Variants in AAMDC observed in about 807,000 individuals in gnomAD.
AAMDC encodes adipogenesis associated Mth938 domain containing.
In AAMDC, 16 loss-of-function variants were observed where a neutral mutation model predicts 15.5. The observed-to-expected ratio is 1.03, with a 90% CI of 0.70 to 1.57. AAMDC has a LOEUF of 1.57. Among genes scored for constraint, AAMDC ranks in the 40% most tolerant of loss-of-function variants. The pLI is 0.00. For missense variants in AAMDC, 141 were observed against 144.9 expected, an observed-to-expected ratio of 0.97 and a Z score of 0.14; for synonymous variants, 51 against 51.6, an observed-to-expected ratio of 0.99 and a Z score of 0.05.
intron 5 of AAMDC, chr11:77,891,268 T>G: frequency 6.3e-7 from 1 of 1,579,092 alleles, no homozygotes; most frequent in Non-Finnish European, 8.6e-7. Context: ...CATTAAATAC[T>G]TCAACACAAT....
chr11:77,858,327 T>TTTTTTTTC (rs1950723241), intron 2 of AAMDC, among the ~76,000 whole-genome samples: 1 of 143,006 alleles, frequency 7.0e-6, no homozygotes, highest in Non-Finnish European at 1.5e-5. Flanking sequence ...TTTTTTTTTT[T>TTTTTTTTC]GTAGTTGCAA....
At chr11:77,899,262 C>A (rs764233549) in intron 5 of AAMDC, among the ~76,000 whole-genome samples, 5 of 146,702 alleles carry the variant, frequency 3.4e-5, no homozygotes, top group Non-Finnish European at 6.0e-5. Flanking sequence ...TCTACTGCCT[C>A]TCACTTGAAG....
chr11:77,855,054 C>T (rs1950555218), intron 2 of AAMDC, among the ~76,000 whole-genome samples: 1 of 152,190 alleles, frequency 6.6e-6, no homozygotes, highest in Non-Finnish European at 1.5e-5. Context: ...ACCTTGGCCC[C>T]TTTTAACCAT....
chr11:77,868,556 G>A (rs748830192), intron 2 of AAMDC, among the ~76,000 whole-genome samples: 11 of 147,738 alleles, frequency 7.4e-5, no homozygotes, highest in Non-Finnish European at 1.2e-4. Context: ...ATGGGGTTTC[G>A]CCATGTTGAC....
chr11:77,876,061 C>G (rs1373529393), downstream of AAMDC, among the ~76,000 whole-genome samples: 1 of 152,048 alleles, frequency 6.6e-6, no homozygotes, highest in African/African-American at 2.4e-5. Flanking sequence ...TTAAGGAGGG[C>G]TGATGGTGGT....
At chr11:77,840,305 G>A (rs1454898355) in intron 1 of AAMDC, among the ~76,000 whole-genome samples, 1 of 152,094 alleles carries the variant, frequency 6.6e-6, no homozygotes, top group East Asian at 1.9e-4. Context: ...AAGGCAGGTG[G>A]ATCACCTGAG....
intron 2 of AAMDC, among the ~76,000 whole-genome samples, chr11:77,858,908 A>C (rs111268234): frequency 0.02 from 3,094 of 152,272 alleles, 94 homozygotes; most frequent in African/African-American, 0.07. Flanking sequence ...GAGGTTAGAG[A>C]TACAGGGATT....
At chr11:77,860,276 G>A (rs1340742113) in intron 2 of AAMDC, among the ~76,000 whole-genome samples, 2 of 152,212 alleles carry the variant, frequency 1.3e-5, no homozygotes, top group African/African-American at 4.8e-5. Context: ...CTTAATTAGT[G>A]TATATAATGG....
At chr11:77,872,462 G>C, downstream of AAMDC, 1 of 928,212 alleles carries the variant, frequency 1.1e-6, no homozygotes, top group Non-Finnish European at 1.5e-6. Context: ...GGATGACCAA[G>C]ACAAGGTCCC....
At chr11:77,880,585 T>A (rs1031210948) in intron 5 of AAMDC, among the ~76,000 whole-genome samples, 1 of 152,186 alleles carries the variant, frequency 6.6e-6, no homozygotes, top group South Asian at 2.1e-4. Flanking sequence ...CTATATCTGC[T>A]TTCCTGCCAC....
At position 77,862,804 on chromosome 11, in the gene AAMDC, G is replaced by C. The variant is rs566156193; in HGVS notation, c.133-6918G>C. Among the ~76,000 whole-genome samples the C allele has an allele frequency of 6.4e-4, 97 of 152,328 alleles. 2 individuals carry two copies. In the South Asian group the frequency reaches 0.018, roughly 28 times the overall value. On this transcript the variant is annotated intron_variant, in intron 2 of 3. Transcript: ENST00000393427. ...AATTTATACTTCCCTCAGGAGGCCA[G>C]GTTTCTCCCCCTTGAAGAGGATATC...
intron 1 of AAMDC, among the ~76,000 whole-genome samples, chr11:77,834,706 C>T (rs560465228): frequency 8.2e-4 from 124 of 152,146 alleles, no homozygotes; most frequent in Non-Finnish European, 1.4e-3. Context: ...TGAGCCACTG[C>T]GCCTGGCCAA....
chr11:77,833,271 T>C (rs1056466445), intron 1 of AAMDC, among the ~76,000 whole-genome samples: 2 of 152,026 alleles, frequency 1.3e-5, no homozygotes. Flanking sequence ...GAAATAATTA[T>C]ACAACTGACC....
intron 5 of AAMDC, among the ~76,000 whole-genome samples, chr11:77,884,142 G>A (rs1036306253): frequency 1.3e-5 from 2 of 152,140 alleles, no homozygotes; most frequent in Admixed American, 6.5e-5. Context: ...GCAGTGTTCA[G>A]TAAACATTTC....
intron 5 of AAMDC, chr11:77,891,712 C>T (rs1456399868): frequency 1.2e-6 from 2 of 1,612,008 alleles, no homozygotes; most frequent in Non-Finnish European, 1.7e-6. Context: ...CAGAAAGGCA[C>T]TCTGTCGCAG....
At chr11:77,850,186 C>A (rs1950314837) in intron 2 of AAMDC, among the ~76,000 whole-genome samples, 1 of 152,048 alleles carries the variant, frequency 6.6e-6, no homozygotes, top group South Asian at 2.1e-4. Flanking sequence ...AAGGACAGAG[C>A]AGATTTTGTA....
intron 2 of AAMDC, among the ~76,000 whole-genome samples, chr11:77,845,593 G>C (rs1950112183): frequency 6.6e-6 from 1 of 151,866 alleles, no homozygotes; most frequent in South Asian, 2.1e-4. Context: ...ACCATGTCCA[G>C]CTCTTTTTGT....
intron 1 of AAMDC, among the ~76,000 whole-genome samples, chr11:77,833,146 A>G (rs1329988846): frequency 4.0e-5 from 6 of 150,596 alleles, no homozygotes; most frequent in Admixed American, 6.7e-5. Context: ...AGTAGCTGGG[A>G]CTACAGGCAT....
chr11:77,852,560 C>T (rs945821641), intron 2 of AAMDC, among the ~76,000 whole-genome samples: 1 of 152,110 alleles, frequency 6.6e-6, no homozygotes, highest in Non-Finnish European at 1.5e-5. Flanking sequence ...GATTACAATT[C>T]AACATGAGAT....
Sources: gnomAD v4.1 joint callset for allele counts (sites outside exome capture counted in the v4.1 genomes callset) on GRCh38, gnomAD v4.1.1 for gene constraint, MANE v1.5 for transcripts, NCBI Gene and HGNC (gene_info 2026-07-23, HGNC 2026-07-21) for gene names.